The following DGKB variants were observed in gnomAD, a reference collection of about 807,000 sequenced individuals.
The protein encoded by DGKB is 90 kDa diacylglycerol kinase.
Under a neutral mutation model 114.3 loss-of-function variants are expected in DGKB, and 67 were observed. The observed-to-expected ratio is 0.59, with a 90% CI of 0.48 to 0.72. DGKB has a LOEUF of 0.72. DGKB is among the 30% of genes least tolerant of loss of function. The pLI, the probability that DGKB is intolerant of heterozygous loss-of-function variation, is 0.00. For synonymous variants in DGKB, 398 were observed against 323.1 expected (o/e 1.23, Z -2.49); for missense variants, 907 against 975.2 (o/e 0.93, Z 0.93).
intron 20 of DGKB, among the ~76,000 whole-genome samples, chr7:14,550,511 G>T (rs1794958445): frequency 6.6e-6 from 1 of 152,094 alleles, no homozygotes; most frequent in Admixed American, 6.6e-5. Flanking sequence ...CTTCCAAAAG[G>T]ATATGAAGTT....
At chr7:14,550,992 T>C (rs1029746069) in intron 20 of DGKB, among the ~76,000 whole-genome samples, 2 of 152,192 alleles carry the variant, frequency 1.3e-5, no homozygotes, top group Non-Finnish European at 2.9e-5. Flanking sequence ...GGTTAAAATA[T>C]TTCCTTTGTG....
intron 20 of DGKB, among the ~76,000 whole-genome samples, chr7:14,540,350 G>T (rs1441580757): frequency 6.6e-6 from 1 of 152,036 alleles, no homozygotes; most frequent in Non-Finnish European, 1.5e-5. Context: ...TATTATGTAT[G>T]TTCTGACATA....
intron 21 of DGKB, among the ~76,000 whole-genome samples, chr7:14,382,114 T>C (rs1187946931): frequency 6.6e-6 from 1 of 152,152 alleles, no homozygotes; most frequent in African/African-American, 2.4e-5. Context: ...GGTTCACCTC[T>C]GATAGGCTGG....
intron 9 of DGKB, among the ~76,000 whole-genome samples, chr7:14,692,439 T>C (rs950773154): frequency 6.6e-6 from 1 of 152,084 alleles, no homozygotes; most frequent in Non-Finnish European, 1.5e-5. Context: ...TTTTTCAGGA[T>C]AAAGTATACA....
At chr7:14,619,045 A>AT (rs1227012747) in intron 15 of DGKB, among the ~76,000 whole-genome samples, 3 of 150,876 alleles carry the variant, frequency 2.0e-5, no homozygotes, top group African/African-American at 7.3e-5. Flanking sequence ...TTATTCTTTT[A>AT]TTTTTTTTCT....
At chr7:14,965,476 G>C (rs917116614) in intron 1 of DGKB, among the ~76,000 whole-genome samples, 3 of 152,058 alleles carry the variant, frequency 2.0e-5, no homozygotes, top group Admixed American at 2.0e-4. Flanking sequence ...ACAGAAACTT[G>C]AGCATCATTT....
chr7:14,767,111 T>G (rs1238398794), intron 2 of DGKB, among the ~76,000 whole-genome samples: 3 of 151,078 alleles, frequency 2.0e-5, no homozygotes, highest in African/African-American at 7.3e-5. Flanking sequence ...GTAGCTGGAC[T>G]GCAAGAAGTG....
At chr7:14,159,737 T>C (rs2128222792) in intron 25 of DGKB, among the ~76,000 whole-genome samples, 1 of 152,288 alleles carries the variant, frequency 6.6e-6, no homozygotes, top group South Asian at 2.1e-4. Context: ...TGGCGCCATC[T>C]TGGCTCATTG....
chr7:14,316,460 C>A (rs1481689598), intron 23 of DGKB, among the ~76,000 whole-genome samples: 1 of 129,602 alleles, frequency 7.7e-6, no homozygotes, highest in Non-Finnish European at 1.6e-5. Context: ...ATATCACCAC[C>A]GATCCCACAG....
intron 21 of DGKB, among the ~76,000 whole-genome samples, chr7:14,369,589 CCTGA>C (rs1583455832): frequency 6.6e-6 from 1 of 152,154 alleles, no homozygotes; most frequent in African/African-American, 2.4e-5. Flanking sequence ...TCTGTTGCTT[CCTGA>C]CTATTTAATG....
chr7:14,699,054 C>T (rs1002689714), intron 7 of DGKB, among the ~76,000 whole-genome samples: 2 of 151,516 alleles, frequency 1.3e-5, no homozygotes, highest in African/African-American at 4.8e-5. Context: ...AGAAGAAATA[C>T]GATAAAACAG....
intron 5 of DGKB, among the ~76,000 whole-genome samples, chr7:14,724,003 G>C (rs932046226): frequency 6.6e-6 from 1 of 152,068 alleles, no homozygotes; most frequent in African/African-American, 2.4e-5. Flanking sequence ...CTCTGGTCCA[G>C]TTTGTTTCAT....
At chr7:14,368,867 A>G (rs772160245) in intron 21 of DGKB, among the ~76,000 whole-genome samples, 1 of 152,166 alleles carries the variant, frequency 6.6e-6, no homozygotes, top group Non-Finnish European at 1.5e-5. Context: ...ACCATCATGC[A>G]GATCCGATTT....
chr7:14,562,714 G>A (rs1796848324), intron 20 of DGKB, among the ~76,000 whole-genome samples: 1 of 152,152 alleles, frequency 6.6e-6, no homozygotes, highest in Non-Finnish European at 1.5e-5. Flanking sequence ...TTTACCCAAT[G>A]TCTGTACCCC....
At chr7:14,277,627 TTGTATA>T (rs2128446315) in intron 23 of DGKB, among the ~76,000 whole-genome samples, 1 of 152,354 alleles carries the variant, frequency 6.6e-6, no homozygotes, top group African/African-American at 2.4e-5. Flanking sequence ...TAGTATTTTA[TTGTATA>T]CATTTACAAC....
intron 1 of DGKB, among the ~76,000 whole-genome samples, chr7:14,913,086 G>T (rs959119304): frequency 6.6e-6 from 1 of 151,838 alleles, no homozygotes; most frequent in African/African-American, 2.4e-5. Flanking sequence ...TCTTAGCTTC[G>T]CCAGCCTCAC....
intron 23 of DGKB, among the ~76,000 whole-genome samples, chr7:14,247,796 T>C (rs957937993): frequency 6.6e-6 from 1 of 152,118 alleles, no homozygotes; most frequent in South Asian, 2.1e-4. Flanking sequence ...ATTTTGTAGG[T>C]TGTCTCTTTA....
chr7:14,588,864 T>C (rs1208507518), intron 17 of DGKB, among the ~76,000 whole-genome samples: 1 of 152,026 alleles, frequency 6.6e-6, no homozygotes, highest in Non-Finnish European at 1.5e-5. Flanking sequence ...CAATTATTTC[T>C]TCTTTTTTTC....
At chr7:14,273,102 T>C (rs1318378424) in intron 23 of DGKB, among the ~76,000 whole-genome samples, 1 of 152,100 alleles carries the variant, frequency 6.6e-6, no homozygotes, top group Non-Finnish European at 1.5e-5. Flanking sequence ...TCCAGCACTT[T>C]GGGAGGTGGA....
Sources: allele counts gnomAD v4.1 joint callset (sites outside exome capture counted in the v4.1 genomes callset), GRCh38; gene constraint gnomAD v4.1.1; transcripts MANE v1.5; gene names NCBI Gene and HGNC (gene_info 2026-07-23, HGNC 2026-07-21).